The following TXNL4A variants were observed in gnomAD, a reference collection of about 807,000 sequenced individuals.
TXNL4A encodes the protein thioredoxin like 4A, also known as thioredoxin-like protein 4A.
Under a neutral mutation model 14.6 loss-of-function variants are expected in TXNL4A, and 17 were observed. That is an observed-to-expected ratio of 1.16 (90% CI 0.80 to 1.74). The LOEUF is 1.74. TXNL4A is among the 40% of genes most tolerant of loss of function. The pLI is 0.00. For synonymous variants in TXNL4A, 83 were observed against 70.6 expected (o/e 1.18, Z -0.88); for missense variants, 74 against 195.2 (o/e 0.38, Z 3.70).
intron 2 of TXNL4A, among the ~76,000 whole-genome samples, chr18:79,975,443 T>A (rs1476441534): frequency 4.6e-5 from 7 of 152,252 alleles, no homozygotes; most frequent in Non-Finnish European, 1.0e-4. Flanking sequence ...CTACACTAAG[T>A]AGGCTGCTCC....
intron 1 of TXNL4A, among the ~76,000 whole-genome samples, chr18:79,997,649 T>C (rs1049109329): frequency 3.3e-5 from 5 of 152,162 alleles, no homozygotes; most frequent in African/African-American, 4.8e-5. Flanking sequence ...CTCAAGGGTA[T>C]ACACAAAGTC....
chr18:79,993,870 T>C lies in TXNL4A; in HGVS notation c.-60-16169A>G, dbSNP rs1481972240. On this transcript the variant is annotated intron_variant, in intron 1 of 2. Transcript: ENST00000585474. This position sits in a 1 kb window ranked among gnomAD's most constrained non-coding sequence, Gnocchi z 4.4. ...GGTCTAATCTCATCTGGTAGGTGCATATAAGGAGCTGACCCTTCCCACACC... is the reference window on the plus strand; with the variant it reads ...GGTCTAATCTCATCTGGTAGGTGCACATAAGGAGCTGACCCTTCCCACACC... Among the ~76,000 whole-genome samples the C allele has an allele frequency of 6.6e-6, 1 of 152,116 alleles. No individual in the cohort carries two copies. The highest frequency in any genetic ancestry group is 2.4e-5 in the African/African-American group (1 of 41,404).
At chr18:79,993,183 T>C (rs2051639198), upstream of TXNL4A, among the ~76,000 whole-genome samples, 1 of 152,164 alleles carries the variant, frequency 6.6e-6, no homozygotes, top group Admixed American at 6.5e-5. This position sits in a 1 kb window ranked among gnomAD's most constrained non-coding sequence, Gnocchi z 4.4. Flanking sequence ...AGCTCTCCTA[T>C]TGGTGCTTGG....
chr18:80,003,040 T>G (rs950998392), intron 1 of TXNL4A, among the ~76,000 whole-genome samples: 3 of 152,236 alleles, frequency 2.0e-5, no homozygotes, highest in Admixed American at 1.3e-4. Flanking sequence ...GTCCAGTTGG[T>G]CACCCTTGAG....
At chr18:80,032,926 A>G (rs1029110618) in intron 1 of TXNL4A, among the ~76,000 whole-genome samples, 2 of 122,830 alleles carry the variant, frequency 1.6e-5, no homozygotes, top group Non-Finnish European at 3.6e-5. Context: ...TTGTTCCCCT[A>G]CCACATTTTG....
chr18:80,001,548 G>T (rs1284558484), intron 1 of TXNL4A, among the ~76,000 whole-genome samples: 1 of 152,164 alleles, frequency 6.6e-6, no homozygotes, highest in Non-Finnish European at 1.5e-5. Flanking sequence ...CAAGAGTGGG[G>T]TATACCCTGC....
At chr18:79,993,232 A>G (rs1461959941), upstream of TXNL4A, among the ~76,000 whole-genome samples, 1 of 152,036 alleles carries the variant, frequency 6.6e-6, no homozygotes, top group Non-Finnish European at 1.5e-5. The surrounding 1 kb of genome is among the most constrained non-coding windows in gnomAD (Gnocchi z 4.4). Context: ...CTGGTAGGAC[A>G]ATTTGCTGAA....
At chr18:79,999,302 G>A (rs897576666) in intron 1 of TXNL4A, among the ~76,000 whole-genome samples, 6 of 152,038 alleles carry the variant, frequency 3.9e-5, no homozygotes, top group Non-Finnish European at 8.8e-5. Flanking sequence ...TTGGGAGGCC[G>A]AGGCGGGCGG....
chr18:79,977,521 A>C (rs772296279), intron 2 of TXNL4A, 77 bp downstream of exon 2: 1 of 1,249,554 alleles, frequency 8.0e-7, no homozygotes, highest in Non-Finnish European at 1.1e-6. Flanking sequence ...AAATAAAATA[A>C]TCTAAAGAGA....
intron 1 of TXNL4A, among the ~76,000 whole-genome samples, chr18:80,021,400 A>C (rs1250596568): frequency 6.6e-6 from 1 of 151,976 alleles, no homozygotes; most frequent in Admixed American, 6.6e-5. Flanking sequence ...GATGGTCTTG[A>C]TCTCCTGACC....
At chr18:80,027,960 C>T (rs1301300532) in intron 1 of TXNL4A, among the ~76,000 whole-genome samples, 4 of 152,190 alleles carry the variant, frequency 2.6e-5, no homozygotes, top group African/African-American at 9.6e-5. Flanking sequence ...TTCTTTATGA[C>T]TCAAACTCTG....
rs2051588960 is a variant in TXNL4A, at chr18:79,988,369, C to A, written c.24G>T (p.Leu8=). The A allele has an allele frequency of 1.3e-6, 2 of 1,547,092 alleles. No homozygotes were observed. The highest frequency in any genetic ancestry group is 1.9e-5 in the Admixed American group (1 of 52,236). The change falls in exon 1 of 3, where the codon CTG becomes CTT. Residue 8 remains leucine (L), a synonymous_variant. Coordinates refer to ENST00000269601, the MANE Select transcript of TXNL4A (RefSeq NM_006701.5). ...CCTGGTCCACCTGCCAGCCGTTGTGCAGGTGCGGGAGCATGTACGACATGG... is the reference window on the plus strand; with the variant it reads ...CCTGGTCCACCTGCCAGCCGTTGTGAAGGTGCGGGAGCATGTACGACATGG... The part of the protein sequence containing the change: MSYMLPH[L]HNGWQVDQAI...
chr18:80,001,762 T>C (rs1409399297), intron 1 of TXNL4A, among the ~76,000 whole-genome samples: 2 of 152,216 alleles, frequency 1.3e-5, no homozygotes, highest in African/African-American at 4.8e-5. Context: ...ATTTACCCAA[T>C]GACTATACCC....
chr18:79,976,537 C>A (rs537091907), intron 2 of TXNL4A, among the ~76,000 whole-genome samples: 1 of 152,164 alleles, frequency 6.6e-6, no homozygotes, highest in Non-Finnish European at 1.5e-5. Flanking sequence ...AAGCACCCAG[C>A]CCATGGTTCA....
At chr18:80,012,337 A>G (rs1321243309) in intron 1 of TXNL4A, among the ~76,000 whole-genome samples, 4 of 152,134 alleles carry the variant, frequency 2.6e-5, no homozygotes, top group Non-Finnish European at 5.9e-5. Context: ...CCGTTTTGGT[A>G]TGTGTGAGAG....
chr18:80,007,991 A>C (rs1210669701), intron 1 of TXNL4A, among the ~76,000 whole-genome samples: 2 of 152,084 alleles, frequency 1.3e-5, no homozygotes, highest in Non-Finnish European at 1.5e-5. Flanking sequence ...ATCTCTACAA[A>C]AAATGCAAAA....
At chr18:79,974,791 T>C (rs945618988) in intron 2 of TXNL4A, among the ~76,000 whole-genome samples, 1 of 152,152 alleles carries the variant, frequency 6.6e-6, no homozygotes, top group Non-Finnish European at 1.5e-5. Context: ...TTATTTTTCT[T>C]AGAGATGCGA....
chr18:80,002,506 C>T (rs943907768), intron 1 of TXNL4A, among the ~76,000 whole-genome samples: 2 of 152,134 alleles, frequency 1.3e-5, no homozygotes, highest in Non-Finnish European at 2.9e-5. Flanking sequence ...AGGCCGTGTC[C>T]CTCAAGGCTT....
chr18:80,015,682 G>A (rs907092359), intron 1 of TXNL4A, among the ~76,000 whole-genome samples: 4 of 150,578 alleles, frequency 2.7e-5, no homozygotes, highest in Non-Finnish European at 5.9e-5. Flanking sequence ...CCCTACAAAG[G>A]ACATGAACTC....
Sources: gnomAD v4.1 joint callset for allele counts (sites outside exome capture counted in the v4.1 genomes callset) on GRCh38, gnomAD v4.1.1 for gene constraint, Gnocchi (gnomAD v3.1) non-coding constraint, MANE v1.5 for transcripts, NCBI Gene and HGNC (gene_info 2026-07-23, HGNC 2026-07-21) for gene names.